The following DIPK1A variants were observed in gnomAD, a reference collection of about 807,000 sequenced individuals.
DIPK1A encodes the protein family with sequence similarity 69 member A.
A neutral mutation model predicts 40.8 loss-of-function variants in DIPK1A; 27 were observed. The ratio of observed to expected loss-of-function variants is 0.66; its 90% CI spans 0.49 to 0.91. The LOEUF is 0.91. Ranked by LOEUF, DIPK1A falls within the 40% of genes least tolerant of loss-of-function variation. The probability of loss-of-function intolerance (pLI) is 0.00; values close to 1 mark genes in which losing one functional copy is unlikely to be tolerated. For synonymous variants in DIPK1A, 166 were observed against 171.3 expected, an observed-to-expected ratio of 0.97 and a Z score of 0.24; for missense variants, 412 against 505.7, an observed-to-expected ratio of 0.81 and a Z score of 1.78.
At chr1:92,915,428 T>C (rs1423931473) in intron 1 of DIPK1A, among the ~76,000 whole-genome samples, 1 of 152,130 alleles carries the variant, frequency 6.6e-6, no homozygotes, top group Non-Finnish European at 1.5e-5. Context: ...ATATATACCA[T>C]TACCAATCAA....
intron 1 of DIPK1A, chr1:92,931,330 C>T: frequency 4.4e-6 from 1 of 225,424 alleles, no homozygotes. Context: ...CATTGGAAGG[C>T]CTGGTGCCCA....
intron 2 of DIPK1A, among the ~76,000 whole-genome samples, chr1:92,852,683 T>A (rs1458252975): frequency 6.6e-6 from 1 of 151,652 alleles, no homozygotes; most frequent in Non-Finnish European, 1.5e-5. Flanking sequence ...AAATAAAACA[T>A]CTAGAAATAA....
intron 1 of DIPK1A, among the ~76,000 whole-genome samples, chr1:92,960,794 G>A (rs1308688488): frequency 2.0e-5 from 3 of 152,202 alleles, no homozygotes; most frequent in African/African-American, 7.2e-5. Flanking sequence ...GGGTGTGATG[G>A]AACGACCCAA....
chr1:92,867,730 T>G (rs1278451233), intron 2 of DIPK1A, among the ~76,000 whole-genome samples: 4 of 152,102 alleles, frequency 2.6e-5, no homozygotes, highest in African/African-American at 9.7e-5. Flanking sequence ...GATCTCAAAC[T>G]CCAGACCTCA....
chr1:92,904,814 C>T (rs377708003), intron 1 of DIPK1A, among the ~76,000 whole-genome samples: 14 of 152,142 alleles, frequency 9.2e-5, no homozygotes, highest in South Asian at 8.3e-4. Flanking sequence ...ACCCCACTAC[C>T]TTTCCCAGTC....
At chr1:92,956,330 C>T (rs1651854234) in intron 1 of DIPK1A, among the ~76,000 whole-genome samples, 1 of 152,154 alleles carries the variant, frequency 6.6e-6, no homozygotes, top group African/African-American at 2.4e-5. Flanking sequence ...AACAAAGGTT[C>T]AAAAGCAACT....
downstream of DIPK1A, chr1:92,841,769 G>C (rs773298130): frequency 6.2e-7 from 1 of 1,609,406 alleles, no homozygotes; most frequent in Non-Finnish European, 8.5e-7. Flanking sequence ...TTTGTAGGTG[G>C]AACCGTCCCA....
chr1:92,883,253 T>C (rs767184323), intron 1 of DIPK1A, among the ~76,000 whole-genome samples: 5 of 152,138 alleles, frequency 3.3e-5, no homozygotes, highest in Admixed American at 6.5e-5. Context: ...ACAGAGCATA[T>C]AGGAGGAAGA....
chr1:92,922,909 C>T (rs533415092), intron 1 of DIPK1A, among the ~76,000 whole-genome samples: 1 of 152,204 alleles, frequency 6.6e-6, no homozygotes, highest in South Asian at 2.1e-4. Context: ...TACCATCTCC[C>T]TCACAGTTTT....
intron 1 of DIPK1A, among the ~76,000 whole-genome samples, chr1:92,927,723 T>C (rs1650577227): frequency 6.6e-6 from 1 of 152,224 alleles, no homozygotes; most frequent in South Asian, 2.1e-4. Context: ...ATATGTGGTC[T>C]TCTGTGACTG....
At chr1:92,956,082 A>G (rs997294004) in intron 1 of DIPK1A, among the ~76,000 whole-genome samples, 1 of 152,090 alleles carries the variant, frequency 6.6e-6, no homozygotes, top group African/African-American at 2.4e-5. Context: ...AGAAAAGAAA[A>G]GGAGGGAGGC....
chr1:92,926,824 G>A (rs781363260), intron 1 of DIPK1A, among the ~76,000 whole-genome samples: 24 of 152,152 alleles, frequency 1.6e-4, no homozygotes, highest in Non-Finnish European at 2.1e-4. Context: ...TCTAACTCTC[G>A]AATTATTTGT....
chr1:92,952,971 GCTTGTT>G (rs879822655), intron 1 of DIPK1A, among the ~76,000 whole-genome samples: 1 of 152,138 alleles, frequency 6.6e-6, no homozygotes, highest in Non-Finnish European at 1.5e-5. Flanking sequence ...TAATTCAGAA[GCTTGTT>G]AATACATTAA....
intron 1 of DIPK1A, among the ~76,000 whole-genome samples, chr1:92,930,287 A>T (rs897472477): frequency 1.3e-5 from 2 of 152,094 alleles, no homozygotes; most frequent in Non-Finnish European, 2.9e-5. Flanking sequence ...CACCTCATAT[A>T]GCCCTTAAAA....
intron 3 of DIPK1A, among the ~76,000 whole-genome samples, chr1:92,847,923 G>A (rs1413624071): frequency 6.6e-6 from 1 of 152,180 alleles, no homozygotes; most frequent in Non-Finnish European, 1.5e-5. Context: ...TTTTTGTAGA[G>A]ATGGGGTCTT....
chr1:92,930,013 C>T (rs1292641800), intron 1 of DIPK1A, among the ~76,000 whole-genome samples: 1 of 152,216 alleles, frequency 6.6e-6, no homozygotes, highest in Non-Finnish European at 1.5e-5. Flanking sequence ...ACCCTTGAAC[C>T]AAGCACTGTG....
intron 1 of DIPK1A, among the ~76,000 whole-genome samples, chr1:92,945,374 C>T (rs1055987678): frequency 1.3e-5 from 2 of 152,066 alleles, no homozygotes; most frequent in African/African-American, 4.8e-5. Flanking sequence ...ACCCTGATTA[C>T]AAGGAACTGA....
chr1:92,844,670 C>G (rs1317935473), intron 4 of DIPK1A, among the ~76,000 whole-genome samples: 1 of 149,790 alleles, frequency 6.7e-6, no homozygotes, highest in Non-Finnish European at 1.5e-5. Flanking sequence ...CTCAGGTGAT[C>G]CTCCTACCTC....
intron 1 of DIPK1A, among the ~76,000 whole-genome samples, chr1:92,901,690 G>C (rs1312303880): frequency 2.0e-5 from 3 of 152,108 alleles, no homozygotes; most frequent in Non-Finnish European, 4.4e-5. Context: ...GGACTTGGAA[G>C]TAACTCAGAT....
Sources: gnomAD v4.1 joint callset for allele counts (sites outside exome capture counted in the v4.1 genomes callset) on GRCh38, gnomAD v4.1.1 for gene constraint, MANE v1.5 for transcripts, NCBI Gene and HGNC (gene_info 2026-07-23, HGNC 2026-07-21) for gene names.